The following PPP2R2B variants were observed in gnomAD, a reference collection of about 807,000 sequenced individuals.
The protein encoded by PPP2R2B is serine/threonine-protein phosphatase 2A 55 kDa regulatory subunit B beta isoform.
Under a neutral mutation model 46.0 loss-of-function variants are expected in PPP2R2B, and 5 were observed. The observed-to-expected ratio is 0.11, with a 90% confidence interval of 0.06 to 0.23. The LOEUF (loss-of-function observed/expected upper bound fraction) is 0.23, where lower values mean the gene tolerates loss of function less well. Ranked by LOEUF, PPP2R2B falls within the 10% of genes least tolerant of loss-of-function variation. The pLI is 1.00. For synonymous variants in PPP2R2B, 215 were observed against 206.7 expected (o/e 1.04, Z -0.34); for missense variants, 367 against 575.0 (o/e 0.64, Z 3.70).
chr5:147,058,774 G>T (rs1170416377), upstream of PPP2R2B, among the ~76,000 whole-genome samples: 1 of 152,152 alleles, frequency 6.6e-6, no homozygotes, highest in Non-Finnish European at 1.5e-5. Context: ...AACTGTTTCA[G>T]TGTGCTTCTT....
rs923749470 is a variant in PPP2R2B at position 146,873,113 on chromosome 5, G to A, written c.70+4889C>T. ...ACTAATCAGTTTTCAGTCTGTTTCC[G>A]CTTTTAGTGATGCGCCCCATTATGC... On this transcript the variant is annotated intron_variant, in intron 2 of 9. Coordinates refer to ENST00000394411, the MANE Select transcript of PPP2R2B (RefSeq NM_181675.4). 5.3e-5 allele frequency among the ~76,000 whole-genome samples: 8 copies of A among 152,240 alleles called. No individual in the cohort carries two copies. In the East Asian group the frequency reaches 9.6e-4, roughly 18 times the overall value.
At chr5:146,946,385 T>C (rs1350230552) in intron 1 of PPP2R2B, among the ~76,000 whole-genome samples, 1 of 152,106 alleles carries the variant, frequency 6.6e-6, no homozygotes, top group Non-Finnish European at 1.5e-5. Flanking sequence ...TTCATGGTAA[T>C]TGCTCCTCCT....
At chr5:146,966,275 A>C (rs534938906) in intron 1 of PPP2R2B, among the ~76,000 whole-genome samples, 13 of 152,266 alleles carry the variant, frequency 8.5e-5, no homozygotes, top group African/African-American at 3.1e-4. Flanking sequence ...TAAGGAAATC[A>C]CGGAGGTTAT....
intron 1 of PPP2R2B, among the ~76,000 whole-genome samples, chr5:147,009,067 G>C (rs747420445): frequency 3.3e-5 from 5 of 152,162 alleles, no homozygotes; most frequent in Middle Eastern, 3.4e-3. Context: ...CTTTTAGAAA[G>C]CTCTTAGAAA....
chr5:146,909,305 A>G (rs1202517437), intron 1 of PPP2R2B, among the ~76,000 whole-genome samples: 2 of 152,172 alleles, frequency 1.3e-5, no homozygotes, highest in African/African-American at 4.8e-5. Context: ...CAGTTCTTGA[A>G]TTCAGTTCAT....
At chr5:147,019,728 C>A (rs1346101298) in intron 1 of PPP2R2B, among the ~76,000 whole-genome samples, 1 of 152,094 alleles carries the variant, frequency 6.6e-6, no homozygotes, top group Non-Finnish European at 1.5e-5. Flanking sequence ...AAGAAATATT[C>A]TCCTATGTGA....
chr5:146,940,287 G>A (rs773236532), intron 1 of PPP2R2B, among the ~76,000 whole-genome samples: 5 of 152,196 alleles, frequency 3.3e-5, no homozygotes, highest in South Asian at 4.2e-4. Context: ...TGATTGAAGC[G>A]CCACATCTAC....
chr5:146,735,328 C>G (rs994246708), intron 2 of PPP2R2B, among the ~76,000 whole-genome samples: 1 of 151,830 alleles, frequency 6.6e-6, no homozygotes, highest in South Asian at 2.1e-4. Flanking sequence ...CACCAAAACC[C>G]CCCCCACAAT....
intron 2 of PPP2R2B, among the ~76,000 whole-genome samples, chr5:146,733,826 G>A (rs927710749): frequency 6.6e-6 from 1 of 152,130 alleles, no homozygotes; most frequent in Admixed American, 6.5e-5. Context: ...TATATGTGCT[G>A]GAAAGTACTG....
At chr5:146,849,249 G>A (rs1484316258) in intron 2 of PPP2R2B, among the ~76,000 whole-genome samples, 1 of 152,130 alleles carries the variant, frequency 6.6e-6, no homozygotes, top group Admixed American at 6.5e-5. Context: ...ATATATGTGT[G>A]CATATAACCC....
chr5:147,036,417 G>T (rs981781875), intron 1 of PPP2R2B, among the ~76,000 whole-genome samples: 6 of 152,174 alleles, frequency 3.9e-5, no homozygotes, highest in African/African-American at 1.2e-4. Flanking sequence ...GTCTATCATC[G>T]ATGGGCACTT....
upstream of PPP2R2B, among the ~76,000 whole-genome samples, chr5:147,058,151 GGTGA>G (rs534158161): frequency 6.7e-4 from 102 of 152,234 alleles, no homozygotes; most frequent in African/African-American, 2.3e-3. Flanking sequence ...GTAAATATTA[GGTGA>G]GTAAGTGAAT....
At chr5:146,887,300 C>T (rs2151426275) in intron 1 of PPP2R2B, among the ~76,000 whole-genome samples, 1 of 152,156 alleles carries the variant, frequency 6.6e-6, no homozygotes, top group Admixed American at 6.5e-5. Context: ...TATTGGACAG[C>T]AGAGGTACAA....
intron 1 of PPP2R2B, among the ~76,000 whole-genome samples, chr5:147,014,245 G>A (rs1269291000): frequency 1.4e-5 from 2 of 146,026 alleles, no homozygotes; most frequent in Admixed American, 6.9e-5. Flanking sequence ...AACAGGTGCT[G>A]GAGAGGATGT....
intron 1 of PPP2R2B, among the ~76,000 whole-genome samples, chr5:146,956,353 A>T (rs1283202563): frequency 6.6e-6 from 1 of 152,114 alleles, no homozygotes; most frequent in African/African-American, 2.4e-5. Flanking sequence ...TTGTTCTCCT[A>T]TCTGATCCCC....
At chr5:147,008,434 T>G (rs868867582) in intron 1 of PPP2R2B, among the ~76,000 whole-genome samples, 1 of 152,190 alleles carries the variant, frequency 6.6e-6, no homozygotes, top group African/African-American at 2.4e-5. Context: ...TATTCATAAA[T>G]CTTCACCCTG....
At chr5:146,989,461 T>G (rs948462224) in intron 1 of PPP2R2B, among the ~76,000 whole-genome samples, 1 of 152,080 alleles carries the variant, frequency 6.6e-6, no homozygotes, top group Admixed American at 6.6e-5. Flanking sequence ...AATCAATAAG[T>G]ATGATGCATC....
chr5:146,876,995 A>T (rs1054446592), intron 2 of PPP2R2B, among the ~76,000 whole-genome samples: 1 of 152,240 alleles, frequency 6.6e-6, no homozygotes, highest in African/African-American at 2.4e-5. Context: ...ACACCTTGCA[A>T]CATTGTCCTA....
intron 1 of PPP2R2B, among the ~76,000 whole-genome samples, chr5:146,987,978 A>T (rs1397731382): frequency 2.0e-5 from 3 of 151,986 alleles, no homozygotes; most frequent in African/African-American, 7.2e-5. Flanking sequence ...CTATACTTAT[A>T]TCAGATAAAA....
Sources: allele counts gnomAD v4.1 joint callset (sites outside exome capture counted in the v4.1 genomes callset), GRCh38; gene constraint gnomAD v4.1.1; transcripts MANE v1.5; gene names NCBI Gene and HGNC (gene_info 2026-07-23, HGNC 2026-07-21).